The following WNT5B variants were observed in gnomAD, a reference collection of about 807,000 sequenced individuals.
WNT5B encodes the protein protein Wnt-5b.
WNT5B carries 18 observed loss-of-function variants against 36.5 expected under a neutral mutation model. The ratio of observed to expected loss-of-function variants is 0.49; its 90% CI spans 0.34 to 0.73. WNT5B has a LOEUF of 0.73. WNT5B is among the 30% of genes least tolerant of loss of function. The pLI, the probability that WNT5B is intolerant of heterozygous loss-of-function variation, is 0.01. For missense variants in WNT5B, 424 were observed against 508.4 expected (o/e 0.83, Z 1.60); for synonymous variants, 213 against 212.3 (o/e 1.00, Z -0.03).
intron 4 of WNT5B, among the ~76,000 whole-genome samples, chr12:1,641,524 G>C (rs111618399): frequency 6.6e-6 from 1 of 152,002 alleles, no homozygotes; most frequent in South Asian, 2.1e-4. Context: ...CATGAGAGGC[G>C]GGGCACGGTG....
chr12:1,630,077 G>C lies in WNT5B; in HGVS notation c.-58+706G>C, dbSNP rs1006212910. On this transcript the variant is annotated intron_variant, in intron 1 of 4. Coordinates refer to ENST00000397196, the MANE Select transcript of WNT5B (RefSeq NM_032642.3). The surrounding 1 kb of genome is among the most constrained non-coding windows in gnomAD (Gnocchi z 5.3). ...GTCCCAGCTCTCCTGGACCCTGCTC[G>C]GGCCACTGTCCTCTCCTGGCGGCCC... The C allele has an allele frequency of 7.3e-6, 7 of 965,102 alleles. No homozygotes were observed. The highest frequency in any genetic ancestry group is 6.2e-5 in the Admixed American group (1 of 16,240). The allele number at this position is 965,102 out of a possible 1,614,324, so 59.8% of individuals were successfully genotyped here.
intron 1 of WNT5B, chr12:1,629,901 A>G (rs1368795565): frequency 3.2e-5 from 5 of 154,452 alleles, no homozygotes; most frequent in African/African-American, 1.2e-4. Context: ...GGGCCGGCTC[A>G]CTTCCGAGCT....
chr12:1,646,909 G>A lies in WNT5B; in HGVS notation c.*657G>A, dbSNP rs117320738. 5.1e-3 allele frequency: 771 copies of A among 152,304 alleles called. 9 individuals are homozygous for A. Among genetic ancestry groups the A allele is most frequent in the South Asian group, 0.021 (102 of 4,820 alleles). 9.4% of individuals were successfully genotyped at this position (152,304 alleles called of 1,614,324 possible). The stretch of plus-strand genomic sequence containing the variant: ...CCAGCGAGAATTCTTCATCCTCCAC[G>A]GTTCACTAGCTCCTACCTGAAGAGG... On this transcript the variant is annotated 3_prime_UTR_variant, in exon 5 of 5. Transcript: ENST00000397196.
upstream of WNT5B, among the ~76,000 whole-genome samples, chr12:1,626,305 C>T (rs1290468348): frequency 2.6e-5 from 4 of 151,326 alleles, no homozygotes; most frequent in African/African-American, 4.9e-5. Context: ...CTCTTGTTGC[C>T]CAGGCTGGAG....
upstream of WNT5B, among the ~76,000 whole-genome samples, chr12:1,624,805 A>G (rs1459862272): frequency 1.3e-5 from 2 of 152,164 alleles, no homozygotes; most frequent in Non-Finnish European, 2.9e-5. Flanking sequence ...TAAGAAGTAT[A>G]TACTTCACCT....
rs1336830669 is a variant in WNT5B, at chr12:1,639,990, C to G, written c.621+14C>G. On this transcript the variant is annotated intron_variant, in intron 4 of 4. Transcript: ENST00000397196. ...GCCGGTCGCAGGGTAAGCTGGGCCT[C>G]CCCGGCCTCCCCAGCACTGCAGACC... The G allele has an allele frequency of 3.7e-6, 6 of 1,601,752 alleles. No homozygotes were observed. The East Asian group carries it at 1.4e-4, about 36-fold the overall frequency.
chr12:1,637,731 C>A lies in WNT5B; in HGVS notation c.329-1953C>A, dbSNP rs2094564804. Among the ~76,000 whole-genome samples the A allele has an allele frequency of 3.3e-5, 5 of 150,144 alleles. No homozygotes were observed. In the South Asian group the frequency reaches 1.0e-3, roughly 31 times the overall value. ...TGCCACTGCACTCTGGCCTGGGTGA[C>A]AGACTGAGACTCTGTCTCAAAAAAA... On this transcript the variant is annotated intron_variant, in intron 3 of 4. Transcript: ENST00000397196.
At chr12:1,626,601 A>G (rs1410017882), upstream of WNT5B, among the ~76,000 whole-genome samples, 3 of 126,862 alleles carry the variant, frequency 2.4e-5, no homozygotes, top group South Asian at 2.5e-4. Context: ...GTCTCACTCT[A>G]TCGCCCAGGC....
At chr12:1,639,620 G>GGGGAAGGACAGGTCCCC in intron 3 of WNT5B, 64 bp from the exon 4 acceptor site, 1 of 1,428,534 alleles carries the variant, frequency 7.0e-7, no homozygotes, top group Non-Finnish European at 9.1e-7. Flanking sequence ...GGGGAGACGG[G>GGGGAAGGACAGGTCCCC]GGGAAGGACA....
rs78695016 is a variant in WNT5B at position 1,635,431 on chromosome 12, G to A, written c.328+2526G>A. 6.2e-3 allele frequency among the ~76,000 whole-genome samples: 947 copies of A among 152,340 alleles called. 9 individuals are homozygous for A. Among genetic ancestry groups the A allele is most frequent in the African/African-American group, 0.022 (913 of 41,576 alleles). ...TCAAACACTGAAGAGCTGTCAAATG[G>A]GAAAGGGATTATAGCAGAGTGCAAG... is the stretch of plus-strand genomic sequence containing the variant. On this transcript the variant is annotated intron_variant, in intron 3 of 4. Transcript: ENST00000397196.
intron 1 of WNT5B, among the ~76,000 whole-genome samples, chr12:1,621,765 A>T (rs1338198970): frequency 1.3e-5 from 2 of 149,432 alleles, no homozygotes; most frequent in Admixed American, 6.7e-5. Flanking sequence ...GGCTGGTCTC[A>T]AACTCCTGGC....
At chr12:1,624,755 A>G (rs1306920066), upstream of WNT5B, among the ~76,000 whole-genome samples, 1 of 152,166 alleles carries the variant, frequency 6.6e-6, no homozygotes, top group Non-Finnish European at 1.5e-5. Flanking sequence ...TAGAAAAGGT[A>G]AGTTTGAACC....
upstream of WNT5B, among the ~76,000 whole-genome samples, chr12:1,625,981 T>C (rs1336801418): frequency 9.6e-4 from 133 of 138,338 alleles, 1 homozygote; most frequent in African/African-American, 3.2e-3. Flanking sequence ...TTCTCTCTCT[T>C]TTTTTTTTTT....
chr12:1,640,880 C>T (rs1003566843), intron 4 of WNT5B, among the ~76,000 whole-genome samples: 1 of 152,178 alleles, frequency 6.6e-6, no homozygotes, highest in Non-Finnish European at 1.5e-5. Context: ...TGACAGGGAC[C>T]GAGGGCAACA....
upstream of WNT5B, among the ~76,000 whole-genome samples, chr12:1,628,388 C>G (rs1220751627): frequency 6.6e-6 from 1 of 152,158 alleles, no homozygotes; most frequent in African/African-American, 2.4e-5. Context: ...GAACTCCTGA[C>G]CTCAGGTGAT....
chr12:1,640,602 G>T (rs2094573192), intron 4 of WNT5B, among the ~76,000 whole-genome samples: 1 of 152,218 alleles, frequency 6.6e-6, no homozygotes, highest in African/African-American at 2.4e-5. Flanking sequence ...CTCAGTTTCA[G>T]CAGAAGCAAC....
intron 1 of WNT5B, among the ~76,000 whole-genome samples, chr12:1,623,266 G>A (rs1416286872): frequency 7.4e-6 from 1 of 135,136 alleles, no homozygotes; most frequent in African/African-American, 2.8e-5. Context: ...CACAGTCTCG[G>A]CTCACTACAA....
chr12:1,636,535 A>G (rs1196269723), intron 3 of WNT5B, among the ~76,000 whole-genome samples: 2 of 26,880 alleles, frequency 7.4e-5, no homozygotes, highest in East Asian at 5.0e-3. Flanking sequence ...ATATATATAT[A>G]TATATACTTT....
In WNT5B at chr12:1,632,791, A is replaced by G; in HGVS notation, c.214A>G (p.Ile72Val). 1 of 1,614,178 alleles carries G rather than the reference A, an allele frequency of 6.2e-7. No homozygotes were observed. Among genetic ancestry groups the G allele is most frequent in the Non-Finnish European group, 8.5e-7 (1 of 1,180,018 alleles). Reference protein sequence around the residue: ...CQLYQEHMAYIGEGAKTGIKE... With the variant: ...CQLYQEHMAYVGEGAKTGIKE... ...ATTGTACCAGGAGCACATGGCCTACATAGGGGAGGGAGCCAAGACTGGCAT... is the reference window on the plus strand; with the variant it reads ...ATTGTACCAGGAGCACATGGCCTACGTAGGGGAGGGAGCCAAGACTGGCAT... Residue 72 changes from isoleucine to valine, a missense_variant, in exon 3 of 5, where the codon ATA (isoleucine) becomes GTA (valine). Transcript: ENST00000397196. This position sits in a 1 kb window ranked among gnomAD's most constrained non-coding sequence, Gnocchi z 5.8.
Sources: gnomAD v4.1 joint callset for allele counts (sites outside exome capture counted in the v4.1 genomes callset) on GRCh38, gnomAD v4.1.1 for gene constraint, Gnocchi (gnomAD v3.1) non-coding constraint, MANE v1.5 for transcripts, NCBI Gene and HGNC (gene_info 2026-07-23, HGNC 2026-07-21) for gene names.